The following SORBS2 variants were observed in gnomAD, a reference collection of about 807,000 sequenced individuals.
SORBS2 encodes sorbin and SH3 domain containing 2.
A neutral mutation model predicts 97.7 loss-of-function variants in SORBS2; 46 were observed. The ratio of observed to expected loss-of-function variants is 0.47; its 90% CI spans 0.37 to 0.60. The LOEUF (loss-of-function observed/expected upper bound fraction) is 0.60. SORBS2 is among the 20% of genes least tolerant of loss of function. SORBS2 has a pLI of 0.00. For missense variants in SORBS2, 1,316 were observed against 1,282.3 expected, an observed-to-expected ratio of 1.03 and a Z score of -0.40; for synonymous variants, 476 against 473.4, an observed-to-expected ratio of 1.01 and a Z score of -0.07.
At chr4:185,637,218 CT>C in intron 4 of SORBS2, among the ~76,000 whole-genome samples, 1 of 152,304 alleles carries the variant, frequency 6.6e-6, no homozygotes, top group East Asian at 1.9e-4. Flanking sequence ...TTTACCATGC[CT>C]TTTCTATGTT....
At chr4:185,887,713 C>T (rs973163057) in intron 1 of SORBS2, among the ~76,000 whole-genome samples, 9 of 152,140 alleles carry the variant, frequency 5.9e-5, no homozygotes, top group Non-Finnish European at 1.2e-4. Context: ...GGGGTGGTAG[C>T]ACCCTCCTAC....
At chr4:185,716,216 G>A (rs572786711) in intron 2 of SORBS2, among the ~76,000 whole-genome samples, 1 of 152,356 alleles carries the variant, frequency 6.6e-6, no homozygotes, top group Admixed American at 6.5e-5. Flanking sequence ...GCAGGCTGGC[G>A]AGGTAGTCAA....
intron 2 of SORBS2, among the ~76,000 whole-genome samples, chr4:185,738,782 T>A (rs1304297084): frequency 6.6e-6 from 1 of 152,274 alleles, no homozygotes; most frequent in East Asian, 1.9e-4. Context: ...GAATTCTTTT[T>A]GTGACTCTCA....
intron 2 of SORBS2, among the ~76,000 whole-genome samples, chr4:185,712,666 G>A (rs1167199530): frequency 6.6e-6 from 1 of 152,206 alleles, no homozygotes; most frequent in Non-Finnish European, 1.5e-5. Flanking sequence ...ACCCCCACCT[G>A]GATGCTCGAA....
chr4:185,617,134 G>A (rs1332843804), intron 9 of SORBS2, among the ~76,000 whole-genome samples: 1 of 152,124 alleles, frequency 6.6e-6, no homozygotes, highest in African/African-American at 2.4e-5. Context: ...CATTCCTCAG[G>A]TTTTTATATA....
At chr4:185,693,847 A>G (rs1169879929) in intron 2 of SORBS2, among the ~76,000 whole-genome samples, 1 of 152,242 alleles carries the variant, frequency 6.6e-6, no homozygotes, top group Non-Finnish European at 1.5e-5. Context: ...TCTAACACTC[A>G]AAAAGTAAAA....
At chr4:185,893,523 A>G (rs1202875904) in intron 1 of SORBS2, among the ~76,000 whole-genome samples, 2 of 152,098 alleles carry the variant, frequency 1.3e-5, no homozygotes, top group Non-Finnish European at 2.9e-5. Flanking sequence ...GGTGAAGGGA[A>G]TTTTCTTCCC....
chr4:185,932,741 C>T (rs987532153), intron 1 of SORBS2, among the ~76,000 whole-genome samples: 1 of 152,174 alleles, frequency 6.6e-6, no homozygotes, highest in African/African-American at 2.4e-5. Flanking sequence ...CCCCCTGGGG[C>T]TCGGTTGCCC....
At chr4:185,624,039 T>G (rs756455060) in exon 7 of SORBS2, 2 of 1,614,174 alleles carry the variant, frequency 1.2e-6, no homozygotes, top group Admixed American at 1.7e-5. Flanking sequence ...TCCTTGCGGT[T>G]GATGCGGTGC....
intron 1 of SORBS2, among the ~76,000 whole-genome samples, chr4:185,797,833 C>T (rs571694796): frequency 6.6e-6 from 1 of 152,320 alleles, no homozygotes; most frequent in Admixed American, 6.5e-5. Flanking sequence ...ATCCAGCCTG[C>T]AATGTGCTTT....
chr4:185,756,768 G>C (rs981247270), intron 2 of SORBS2, among the ~76,000 whole-genome samples: 3 of 141,434 alleles, frequency 2.1e-5, no homozygotes, highest in Admixed American at 1.5e-4. Flanking sequence ...ATCAGTTCCA[G>C]GTTTTTTTCT....
chr4:185,916,045 G>A (rs2099257982), intron 1 of SORBS2, among the ~76,000 whole-genome samples: 1 of 152,154 alleles, frequency 6.6e-6, no homozygotes, highest in Non-Finnish European at 1.5e-5. Context: ...ATGGCAGGTG[G>A]ATAAGTAAGG....
intron 2 of SORBS2, among the ~76,000 whole-genome samples, chr4:185,650,225 A>G (rs544119402): frequency 1.2e-4 from 19 of 152,230 alleles, no homozygotes; most frequent in Non-Finnish European, 2.5e-4. Flanking sequence ...TATGATGGAA[A>G]ATAATTGGTA....
chr4:185,743,828 T>C (rs1010118273), intron 2 of SORBS2, among the ~76,000 whole-genome samples: 3 of 150,948 alleles, frequency 2.0e-5, no homozygotes, highest in African/African-American at 7.3e-5. Flanking sequence ...TCTTCTTCTA[T>C]CTTCTTTCCT....
chr4:185,894,792 T>A (rs1488771155), intron 1 of SORBS2, among the ~76,000 whole-genome samples: 2 of 151,932 alleles, frequency 1.3e-5, no homozygotes, highest in South Asian at 2.1e-4. Flanking sequence ...TGCAACCCAC[T>A]CCCTCAGCAA....
intron 2 of SORBS2, among the ~76,000 whole-genome samples, chr4:185,699,283 CCTTTTT>C (rs2153529595): frequency 9.5e-6 from 1 of 105,074 alleles, no homozygotes; most frequent in Non-Finnish European, 2.0e-5. Flanking sequence ...ATGAAATGTA[CCTTTTT>C]TTTTTTTTTT....
intron 1 of SORBS2, among the ~76,000 whole-genome samples, chr4:185,886,335 T>C (rs948812602): frequency 1.3e-5 from 2 of 151,848 alleles, no homozygotes; most frequent in Admixed American, 6.6e-5. Flanking sequence ...GTGGGCAGAT[T>C]ACAAGGTCAG....
intron 1 of SORBS2, among the ~76,000 whole-genome samples, chr4:185,809,791 C>T (rs1047969602): frequency 2.0e-5 from 3 of 152,152 alleles, no homozygotes; most frequent in African/African-American, 7.2e-5. Context: ...AGGGTCTTGT[C>T]TCACTTGGTG....
At chr4:185,745,017 G>A (rs1183138136) in intron 2 of SORBS2, among the ~76,000 whole-genome samples, 1 of 152,212 alleles carries the variant, frequency 6.6e-6, no homozygotes, top group East Asian at 1.9e-4. Flanking sequence ...TAAGGAGAGG[G>A]TAAAGAAAAC....
Sources: allele counts gnomAD v4.1 joint callset (sites outside exome capture counted in the v4.1 genomes callset), GRCh38; gene constraint gnomAD v4.1.1; transcripts MANE v1.5; gene names NCBI Gene and HGNC (gene_info 2026-07-23, HGNC 2026-07-21).